GNPTAB: variants seen among roughly 807,000 people sequenced by gnomAD.
GNPTAB encodes the protein N-acetylglucosamine-1-phosphate transferase subunits alpha and beta.
Under a neutral mutation model 136.6 loss-of-function variants are expected in GNPTAB, and 92 were observed. The observed-to-expected ratio is 0.67, with a 90% confidence interval of 0.57 to 0.80. The LOEUF (loss-of-function observed/expected upper bound fraction) is 0.80, where lower values mean the gene tolerates loss of function less well. Among genes scored for constraint, GNPTAB ranks in the 30% least tolerant of loss-of-function variants. The pLI is 0.00. For missense variants in GNPTAB, 1,343 were observed against 1,501.8 expected, an observed-to-expected ratio of 0.89 and a Z score of 1.75; for synonymous variants, 512 against 535.1, an observed-to-expected ratio of 0.96 and a Z score of 0.60.
intron 7 of GNPTAB, among the ~76,000 whole-genome samples, chr12:101,776,356 C>T (rs142359765): frequency 3.3e-5 from 5 of 151,988 alleles, no homozygotes; most frequent in South Asian, 4.1e-4. Flanking sequence ...ATTCTGTGTC[C>T]GTCATACACA....
chr12:101,775,988 T>C (rs1042804991), intron 7 of GNPTAB, among the ~76,000 whole-genome samples: 1 of 152,130 alleles, frequency 6.6e-6, no homozygotes, highest in Non-Finnish European at 1.5e-5. Flanking sequence ...CTTTGAAAAC[T>C]TCCCCCATGT....
At chr12:101,784,321 G>C (rs1868507599) in intron 5 of GNPTAB, among the ~76,000 whole-genome samples, 1 of 152,236 alleles carries the variant, frequency 6.6e-6, no homozygotes, top group Non-Finnish European at 1.5e-5. Context: ...GGGACAGGCA[G>C]TGGGACACAA....
At chr12:101,755,738 TAAAAC>T (rs1263356271) in intron 18 of GNPTAB, among the ~76,000 whole-genome samples, 2 of 152,096 alleles carry the variant, frequency 1.3e-5, no homozygotes, top group African/African-American at 4.8e-5. Flanking sequence ...TTCGTCGAAA[TAAAAC>T]AAAACAACAT....
At chr12:101,764,136 T>C in intron 13 of GNPTAB, 66 bp downstream of exon 13, 1 of 1,604,914 alleles carries the variant, frequency 6.2e-7, no homozygotes, top group Middle Eastern at 1.7e-4. Flanking sequence ...GTAGCTATAA[T>C]GATATTATCA....
chr12:101,790,461 G>A (rs987423715), intron 2 of GNPTAB, among the ~76,000 whole-genome samples: 3 of 152,188 alleles, frequency 2.0e-5, no homozygotes, highest in African/African-American at 7.2e-5. Flanking sequence ...AAATAAATTA[G>A]AAGTTTAAAG....
chr12:101,790,203 T>C (rs1203604700), intron 2 of GNPTAB, 146 bp from the exon 3 acceptor site: 2 of 1,122,720 alleles, frequency 1.8e-6, no homozygotes, highest in African/African-American at 1.5e-5. Context: ...CAGAACTGCA[T>C]GTTTTCAAAC....
At chr12:101,795,957 GAA>G in intron 2 of GNPTAB, 3 of 339,436 alleles carry the variant, frequency 8.8e-6, no homozygotes, top group Non-Finnish European at 1.1e-5. Context: ...TTGTGAAGAG[GAA>G]AAAAAAAATC....
In GNPTAB at chr12:101,830,686, C is replaced by T. The variant is rs1555277095; in HGVS notation, c.-11G>A. 4 of 1,504,304 alleles carry T rather than the reference C, an allele frequency of 2.7e-6. No individual in the cohort carries two copies. The South Asian group carries it at 3.4e-5, about 13-fold the overall frequency. 93.2% of individuals were successfully genotyped at this position (1,504,304 alleles called of 1,614,324 possible). On this transcript the variant is annotated 5_prime_UTR_variant, in exon 1 of 21. In the 5' UTR this introduces an upstream ATG that the reference lacks. Transcript: ENST00000299314. The stretch of plus-strand genomic sequence containing the variant: ...GAGCTTGAACAGCATCACCCCTTCA[C>T]CGCCACGCCACGCCCCGAGGAGCCT...
rs766092900 is a variant in GNPTAB at position 101,788,529 on chromosome 12, A to G, written c.365+19T>C. ...CAATCCTTCACTTTTTACTCTTGAG[A>G]GGAAATCAAAATGCTTACCTCTTCT... On this transcript the variant is annotated intron_variant, in intron 4 of 20. Coordinates refer to ENST00000299314, the MANE Select transcript of GNPTAB (RefSeq NM_024312.5). The G allele has an allele frequency of 1.2e-5, 17 of 1,446,344 alleles. No homozygotes were observed. The highest frequency in any genetic ancestry group is 1.5e-5 in the Non-Finnish European group (15 of 1,027,102). The allele number at this position is 1,446,344 out of a possible 1,614,324, so 89.6% of individuals were successfully genotyped here.
chr12:101,791,852 C>G (rs1869012773), intron 2 of GNPTAB, among the ~76,000 whole-genome samples: 1 of 152,162 alleles, frequency 6.6e-6, no homozygotes, highest in Non-Finnish European at 1.5e-5. Flanking sequence ...GGGGAGATAA[C>G]TGGATGAGTT....
intron 11 of GNPTAB, among the ~76,000 whole-genome samples, chr12:101,767,643 G>C (rs749136950): frequency 3.3e-5 from 5 of 152,196 alleles, no homozygotes; most frequent in African/African-American, 9.7e-5. Context: ...TTTGTTTTGA[G>C]AGAGGCTGTC....
intron 1 of GNPTAB, among the ~76,000 whole-genome samples, chr12:101,805,990 A>C (rs1343775452): frequency 6.6e-6 from 1 of 152,226 alleles, no homozygotes. Flanking sequence ...TAAATATGAT[A>C]AAGCTATTAA....
At chr12:101,829,339 G>C (rs1871254236) in intron 1 of GNPTAB, among the ~76,000 whole-genome samples, 1 of 152,144 alleles carries the variant, frequency 6.6e-6, no homozygotes, top group East Asian at 1.9e-4. Flanking sequence ...ACAAAAATTA[G>C]CTGTGCATGG....
rs4764825 is a variant in GNPTAB at position 101,830,330 on chromosome 12, G to A, written c.117+229C>T. ...AGTCTCTGCACACGTTTATGATAAA[G>A]AATACTGTATTTGGCCGGGAGCGGT... On this transcript the variant is annotated intron_variant, in intron 1 of 20. Transcript: ENST00000299314. Among the ~76,000 whole-genome samples the A allele has an allele frequency of 0.098, 14,862 of 152,236 alleles. 879 individuals are homozygous for A. The highest frequency in any genetic ancestry group is 0.19 in the Middle Eastern group (55 of 294).
At chr12:101,763,614 C>T (rs548750737) in intron 13 of GNPTAB, among the ~76,000 whole-genome samples, 2 of 152,308 alleles carry the variant, frequency 1.3e-5, no homozygotes, top group Admixed American at 1.3e-4. Context: ...ACAGTTTTCT[C>T]CCCACAAATT....
intron 18 of GNPTAB, chr12:101,756,967 C>G (rs1171636699): frequency 8.9e-6 from 4 of 450,516 alleles, no homozygotes; most frequent in Non-Finnish European, 1.6e-5. Context: ...CGATCTGTCC[C>G]TGGGTCTCTC....
chr12:101,769,929 C>A, intron 10 of GNPTAB, 92 bp downstream of exon 10: 1 of 1,239,268 alleles, frequency 8.1e-7, no homozygotes, highest in East Asian at 2.3e-5. Context: ...CCATGTCTGG[C>A]CTGATATTTG....
rs1953145692 is a variant in GNPTAB at position 101,769,936 on chromosome 12, T to C, written c.1284+85A>G. 5.4e-6 allele frequency: 7 copies of C among 1,301,930 alleles called. No individual in the cohort carries two copies. In the South Asian group the frequency reaches 7.1e-5, roughly 13 times the overall value. 80.6% of individuals were successfully genotyped at this position (1,301,930 alleles called of 1,614,324 possible). A position where few individuals can be genotyped will look rare whatever the true frequency, so the allele number is the denominator to read the frequency against. ...GTGAGCCACCATGTCTGGCCTGATA[T>C]TTGACTACAGTAGTATGTGCACTCA... On this transcript the variant is annotated intron_variant, in intron 10 of 20. Coordinates refer to ENST00000299314, the MANE Select transcript of GNPTAB (RefSeq NM_024312.5).
At chr12:101,824,324 C>T (rs1284165632) in intron 1 of GNPTAB, among the ~76,000 whole-genome samples, 1 of 144,422 alleles carries the variant, frequency 6.9e-6, no homozygotes. Flanking sequence ...GAGGGGAAGG[C>T]AGAGGTGAGA....
Sources: allele counts gnomAD v4.1 joint callset (sites outside exome capture counted in the v4.1 genomes callset), GRCh38; gene constraint gnomAD v4.1.1; transcripts MANE v1.5; gene names NCBI Gene and HGNC (gene_info 2026-07-23, HGNC 2026-07-21).